RYK: variants seen among roughly 807,000 people sequenced by gnomAD.
The protein encoded by RYK is inactive tyrosine-protein kinase RYK.
A neutral mutation model predicts 70.2 loss-of-function variants in RYK; 21 were observed. That is an observed-to-expected ratio of 0.30 (90% CI 0.21 to 0.43). The LOEUF is 0.43. RYK is among the 20% of genes least tolerant of loss of function. The pLI is 1.00. For missense variants in RYK, 604 were observed against 753.3 expected (o/e 0.80, Z 2.32); for synonymous variants, 267 against 278.0 (o/e 0.96, Z 0.39).
At chr3:134,178,413 C>A in intron 10 of RYK, 1 of 174,878 alleles carries the variant, frequency 5.7e-6, no homozygotes, top group Non-Finnish European at 1.2e-5. Context: ...CTGACTTGCC[C>A]ATGAGTGTAT....
intron 4 of RYK, among the ~76,000 whole-genome samples, chr3:134,208,610 G>C (rs1249125938): frequency 6.6e-6 from 1 of 152,134 alleles, no homozygotes; most frequent in Non-Finnish European, 1.5e-5. Context: ...CATGTACCCA[G>C]ACATTAGCCA....
chr3:134,180,631 A>G (rs977280908), intron 10 of RYK: 1 of 152,382 alleles, frequency 6.6e-6, no homozygotes, highest in South Asian at 2.1e-4. Context: ...AAACAAATAC[A>G]TAAGTATAGC....
chr3:134,220,413 C>T (rs188352190), intron 2 of RYK, among the ~76,000 whole-genome samples: 16 of 151,790 alleles, frequency 1.1e-4, no homozygotes, highest in East Asian at 3.9e-4. Flanking sequence ...TACTCACTGA[C>T]GTATGGGGAG....
At chr3:134,158,879 G>A (rs773641679) in intron 14 of RYK, among the ~76,000 whole-genome samples, 10 of 152,084 alleles carry the variant, frequency 6.6e-5, no homozygotes, top group Admixed American at 6.6e-5. Flanking sequence ...AACGAGAGAG[G>A]TTTTTTATAA....
chr3:134,205,254 G>C (rs2014181523), intron 5 of RYK, among the ~76,000 whole-genome samples: 1 of 152,154 alleles, frequency 6.6e-6, no homozygotes, highest in Admixed American at 6.6e-5. Flanking sequence ...CAAGTTTGGA[G>C]TTCTGGGGAT....
chr3:134,172,810 C>A (rs2012965615), intron 13 of RYK, among the ~76,000 whole-genome samples: 2 of 152,092 alleles, frequency 1.3e-5, no homozygotes, highest in African/African-American at 4.8e-5. Flanking sequence ...AGGACTAGTA[C>A]CCCACTGCTC....
At chr3:134,171,456 C>A (rs1243218936) in intron 13 of RYK, among the ~76,000 whole-genome samples, 1 of 152,186 alleles carries the variant, frequency 6.6e-6, no homozygotes. Context: ...TATTATCTAA[C>A]TTAATTTTCA....
intron 10 of RYK, 129 bp from the exon 11 acceptor site, chr3:134,178,202 T>C: frequency 1.5e-6 from 1 of 686,776 alleles, no homozygotes. Context: ...CCATTAAAAA[T>C]GTAAAATTAT....
intron 8 of RYK, among the ~76,000 whole-genome samples, chr3:134,190,005 T>C (rs112806227): frequency 5.3e-5 from 8 of 152,174 alleles, no homozygotes; most frequent in African/African-American, 1.4e-4. Context: ...TTGCTGCAGA[T>C]ACCATGCATA....
At chr3:134,195,717 C>G (rs534816943) in intron 6 of RYK, among the ~76,000 whole-genome samples, 1 of 152,162 alleles carries the variant, frequency 6.6e-6, no homozygotes. Context: ...GAGGCCAAGG[C>G]GGACAGATGA....
chr3:134,198,853 C>T (rs528264716), intron 6 of RYK, among the ~76,000 whole-genome samples: 26 of 152,156 alleles, frequency 1.7e-4, no homozygotes, highest in African/African-American at 5.8e-4. Context: ...AATATAAAAT[C>T]AAAGATTTTA....
chr3:134,188,414 G>T lies in RYK; in HGVS notation c.1102+423C>A, dbSNP rs1054785490. 3.3e-5 allele frequency among the ~76,000 whole-genome samples: 5 copies of T among 151,884 alleles called. No homozygotes were observed. The South Asian group carries it at 1.0e-3, about 32-fold the overall frequency. On this transcript the variant is annotated intron_variant, in intron 9 of 14. Transcript: ENST00000623711. ...TGACCTCAGGTGATCTGGCCACCTC[G>T]GCCTCCCAAAGTGCCGGGATTACAG...
At chr3:134,244,029 G>C (rs1369217600) in intron 1 of RYK, among the ~76,000 whole-genome samples, 1 of 152,138 alleles carries the variant, frequency 6.6e-6, no homozygotes, top group Non-Finnish European at 1.5e-5. Context: ...GTATTGACTT[G>C]ATTTTAAATA....
chr3:134,222,293 A>T, intron 2 of RYK, 125 bp downstream of exon 2: 1 of 951,868 alleles, frequency 1.1e-6, no homozygotes, highest in Non-Finnish European at 1.6e-6. Context: ...GAAAAGACTC[A>T]GTACTATTAT....
chr3:134,183,117 T>C, intron 9 of RYK, 46 bp from the exon 10 acceptor site: 1 of 1,125,904 alleles, frequency 8.9e-7, no homozygotes, highest in Middle Eastern at 2.1e-4. Context: ...ATACTACATA[T>C]ATGGCATTAA....
intron 8 of RYK, among the ~76,000 whole-genome samples, chr3:134,189,514 A>C (rs2013576769): frequency 6.6e-6 from 1 of 152,090 alleles, no homozygotes; most frequent in Non-Finnish European, 1.5e-5. Flanking sequence ...TAATCCCAGC[A>C]CTTTGGGAGG....
intron 1 of RYK, among the ~76,000 whole-genome samples, chr3:134,227,621 C>T (rs778965140): frequency 1.3e-5 from 2 of 151,660 alleles, no homozygotes; most frequent in Non-Finnish European, 2.9e-5. Flanking sequence ...TATTATACTG[C>T]TGGTAGGATT....
At chr3:134,248,208 A>G (rs2015517259) in intron 1 of RYK, among the ~76,000 whole-genome samples, 1 of 152,202 alleles carries the variant, frequency 6.6e-6, no homozygotes, top group African/African-American at 2.4e-5. Context: ...TGCACTAGAG[A>G]AAATACTACT....
In RYK at chr3:134,191,502, C is replaced by T. The variant is rs528494599; in HGVS notation, c.1015+347G>A. On this transcript the variant is annotated intron_variant, in intron 8 of 14. Transcript: ENST00000623711. ...CCATGTCCATTCCTTCCGCTACAAC[C>T]CCCAAGTTATCCGTCAGAGAGAAAG... is the stretch of plus-strand genomic sequence containing the variant. Among the ~76,000 whole-genome samples the T allele has an allele frequency of 3.9e-5, 6 of 152,246 alleles. 1 individual carries two copies. The highest frequency in any genetic ancestry group is 1.2e-4 in the African/African-American group (5 of 41,538).
Sources: allele counts gnomAD v4.1 joint callset (sites outside exome capture counted in the v4.1 genomes callset), GRCh38; gene constraint gnomAD v4.1.1; transcripts MANE v1.5; gene names NCBI Gene and HGNC (gene_info 2026-07-23, HGNC 2026-07-21).